Variants in ROPN1L observed in about 807,000 individuals in gnomAD.
The protein encoded by ROPN1L is ropporin-1-like protein.
In ROPN1L, 23 loss-of-function variants were observed where a neutral mutation model predicts 22.7. The observed-to-expected ratio is 1.01, with a 90% CI of 0.73 to 1.43. The LOEUF is 1.43. ROPN1L is among the 40% of genes most tolerant of loss of function. ROPN1L has a pLI of 0.00. For synonymous variants in ROPN1L, 116 were observed against 117.8 expected, an observed-to-expected ratio of 0.98 and a Z score of 0.10; for missense variants, 271 against 291.5, an observed-to-expected ratio of 0.93 and a Z score of 0.51.
intron 1 of ROPN1L, among the ~76,000 whole-genome samples, chr5:10,445,255 G>A (rs1414692766): frequency 6.6e-6 from 1 of 152,202 alleles, no homozygotes; most frequent in Admixed American, 6.5e-5. Context: ...ATAGGCTTGA[G>A]CCACCGCGCC....
chr5:10,466,431 G>A (rs1237847599), downstream of ROPN1L, among the ~76,000 whole-genome samples: 1 of 152,218 alleles, frequency 6.6e-6, no homozygotes, highest in African/African-American at 2.4e-5. Context: ...GACCAGCTCA[G>A]CGTGCAACAC....
At chr5:10,461,868 G>A (rs930280167) in intron 4 of ROPN1L, among the ~76,000 whole-genome samples, 1 of 152,230 alleles carries the variant, frequency 6.6e-6, no homozygotes, top group Non-Finnish European at 1.5e-5. Flanking sequence ...AAAGGGCAAG[G>A]TCTGGAAGGG....
downstream of ROPN1L, among the ~76,000 whole-genome samples, chr5:10,473,446 A>C (rs1735278052): frequency 6.6e-6 from 1 of 152,194 alleles, no homozygotes; most frequent in African/African-American, 2.4e-5. Flanking sequence ...GCTTGGAGCC[A>C]CCAGAAGTTG....
chr5:10,475,615 A>G (rs569133942), downstream of ROPN1L, among the ~76,000 whole-genome samples: 196 of 152,370 alleles, frequency 1.3e-3, no homozygotes, highest in Middle Eastern at 0.01. Flanking sequence ...AAAATAAAAT[A>G]TAAAAATAAA....
At chr5:10,462,135 A>G (rs1735044622) in intron 4 of ROPN1L, among the ~76,000 whole-genome samples, 2 of 151,978 alleles carry the variant, frequency 1.3e-5, no homozygotes. Context: ...CACCCCTCTA[A>G]TCCTGCCTTG....
In ROPN1L at chr5:10,442,104, A is replaced by G; in HGVS notation, c.-64A>G. The G allele has an allele frequency of 1.3e-6, 2 of 1,569,164 alleles. No individual in the cohort carries two copies. The highest frequency in any genetic ancestry group is 1.7e-6 in the Non-Finnish European group (2 of 1,149,678). Reference sequence around the variant, plus strand: ...TAGCGGGTCCACCGCGTCGTAGCCGACAGCCGCCCTTCTTCCTCGCAGCGC... The same window carrying G: ...TAGCGGGTCCACCGCGTCGTAGCCGGCAGCCGCCCTTCTTCCTCGCAGCGC... On this transcript the variant is annotated 5_prime_UTR_variant, in exon 1 of 5. Coordinates refer to ENST00000274134, the MANE Select transcript of ROPN1L (RefSeq NM_031916.5).
At chr5:10,479,089 G>A in the ROPN1L span, among the ~76,000 whole-genome samples, 1 of 152,066 alleles carries the variant, frequency 6.6e-6, no homozygotes, top group African/African-American at 2.4e-5. Context: ...TTTTGAGGTG[G>A]CTGCTATAAT....
chr5:10,472,506 T>TC (rs1735265571), downstream of ROPN1L, among the ~76,000 whole-genome samples: 2 of 152,212 alleles, frequency 1.3e-5, no homozygotes, highest in African/African-American at 2.4e-5. Flanking sequence ...CTTTTCTTCT[T>TC]CCTTTGATTA....
intron 2 of ROPN1L, among the ~76,000 whole-genome samples, chr5:10,449,621 T>A (rs1741188549): frequency 1.3e-5 from 2 of 152,226 alleles, no homozygotes; most frequent in African/African-American, 4.8e-5. Flanking sequence ...TTTTAAAATG[T>A]TTTTTACTGA....
chr5:10,471,806 T>C (rs1021693), intron 4 of ROPN1L: 102,216 of 152,254 alleles, frequency 0.67, 35,009 homozygotes, highest in Middle Eastern at 0.76. Context: ...GGATCTTCCA[T>C]CAGGGTCTTG....
At chr5:10,447,493 G>A (rs1254288360) in intron 1 of ROPN1L, among the ~76,000 whole-genome samples, 1 of 152,242 alleles carries the variant, frequency 6.6e-6, no homozygotes, top group Non-Finnish European at 1.5e-5. Flanking sequence ...TAGGTGACCT[G>A]TGTGTTCCTG....
chr5:10,442,379 G>GA, intron 1 of ROPN1L, 81 bp downstream of exon 1: 1 of 1,559,194 alleles, frequency 6.4e-7, no homozygotes, highest in Non-Finnish European at 8.7e-7. Flanking sequence ...CCCGGACCAG[G>GA]GGCCTTACGC....
At chr5:10,457,642 C>G (rs1390620469) in intron 3 of ROPN1L, among the ~76,000 whole-genome samples, 1 of 152,196 alleles carries the variant, frequency 6.6e-6, no homozygotes, top group African/African-American at 2.4e-5. Context: ...TTGCTCTGAC[C>G]ATGGTGTTCT....
downstream of ROPN1L, among the ~76,000 whole-genome samples, chr5:10,468,277 G>A (rs1042567885): frequency 6.6e-6 from 1 of 152,212 alleles, no homozygotes; most frequent in African/African-American, 2.4e-5. Context: ...CCATTTAGTG[G>A]GGGAGCTTTA....
At chr5:10,465,039 G>T, downstream of ROPN1L, 1 of 625,544 alleles carries the variant, frequency 1.6e-6, no homozygotes, top group Non-Finnish European at 2.7e-6. Context: ...CCTCTGTAGT[G>T]TGAGTGTTTC....
intron 3 of ROPN1L, among the ~76,000 whole-genome samples, chr5:10,453,327 G>C (rs972664752): frequency 6.6e-6 from 1 of 152,162 alleles, no homozygotes; most frequent in African/African-American, 2.4e-5. Context: ...CTGTCTCGGG[G>C]TGCGCTGGGT....
chr5:10,470,223 C>T (rs1358318113), intron 4 of ROPN1L, among the ~76,000 whole-genome samples: 1 of 152,132 alleles, frequency 6.6e-6, no homozygotes, highest in Non-Finnish European at 1.5e-5. Flanking sequence ...TGTTCAGGTC[C>T]CCCGTCCTCC....
At chr5:10,460,702 C>T (rs1046210898) in intron 3 of ROPN1L, among the ~76,000 whole-genome samples, 3 of 152,340 alleles carry the variant, frequency 2.0e-5, no homozygotes, top group Middle Eastern at 3.4e-3. Context: ...CCCTTCTGCT[C>T]GGTGGGCAGG....
rs1735017261 is a variant in ROPN1L at position 10,461,191 on chromosome 5, A to G, written c.425A>G (p.Asn142Ser). The G allele has an allele frequency of 2.5e-6, 4 of 1,613,154 alleles. No homozygotes were observed. In the African/African-American group the frequency reaches 5.3e-5, roughly 22 times the overall value. Residue 142 changes from asparagine (N) to serine (S), a missense_variant, in exon 4 of 5, where the codon AAC becomes AGC. Physicochemically the swap from Asn to Ser is conservative, Grantham distance 46. Transcript: ENST00000274134. Reference sequence around the variant, plus strand: ...TGGCTGTGGTGCTCCCAGTCCTTGAACACTGCGCTGAAGCACCTGTGCGAG... The same window carrying G: ...TGGCTGTGGTGCTCCCAGTCCTTGAGCACTGCGCTGAAGCACCTGTGCGAG... ...LGCSMLGGSL[N>S]TALKHLCEIL...
Sources: gnomAD v4.1 joint callset for allele counts (sites outside exome capture counted in the v4.1 genomes callset) on GRCh38, gnomAD v4.1.1 for gene constraint, MANE v1.5 for transcripts, NCBI Gene and HGNC (gene_info 2026-07-23, HGNC 2026-07-21) for gene names.